The following NCOR2 variants were observed in gnomAD, a reference collection of about 807,000 sequenced individuals.
The protein encoded by NCOR2 is nuclear receptor corepressor 2.
NCOR2 carries 81 observed loss-of-function variants against 262.9 expected under a neutral mutation model. The ratio of observed to expected loss-of-function variants is 0.31; its 90% CI spans 0.26 to 0.37. The LOEUF is 0.37. Among genes scored for constraint, NCOR2 ranks in the 10% least tolerant of loss-of-function variants. The pLI, the probability that NCOR2 is intolerant of heterozygous loss-of-function variation, is 1.00. For synonymous variants in NCOR2, 1,659 were observed against 1,559.3 expected (o/e 1.06, Z -1.51); for missense variants, 3,385 against 3,621.4 (o/e 0.93, Z 1.68).
intron 8 of NCOR2, among the ~76,000 whole-genome samples, chr12:124,433,735 G>T (rs1258713697): frequency 1.3e-5 from 2 of 152,032 alleles, no homozygotes; most frequent in Non-Finnish European, 2.9e-5. Flanking sequence ...CTCCGGCCTG[G>T]CCTGGGTAGC....
chr12:124,423,664 C>G (rs1012991898), intron 11 of NCOR2, among the ~76,000 whole-genome samples: 5 of 152,192 alleles, frequency 3.3e-5, no homozygotes, highest in Non-Finnish European at 7.3e-5. Context: ...AGTGACATTT[C>G]CTTCCCTGCA....
intron 12 of NCOR2, among the ~76,000 whole-genome samples, chr12:124,420,937 C>G (rs1593460103): frequency 6.6e-6 from 1 of 152,240 alleles, no homozygotes. Flanking sequence ...GCCAGGGGGG[C>G]TCCCAGGCGG....
In NCOR2 at chr12:124,377,435, T is replaced by C. The variant is rs79374914; in HGVS notation, c.2167+802A>G. Among the ~76,000 whole-genome samples, 1,417 of 152,312 alleles carry C rather than the reference T, an allele frequency of 9.3e-3. 24 individuals are homozygous for C. Among genetic ancestry groups the C allele is most frequent in the African/African-American group, 0.032 (1,331 of 41,572 alleles). ...TTATTTATCACTCAAATAGGGACAC[T>C]TGGGAATAAAAGGAGACACTGAAAA... On this transcript the variant is annotated intron_variant, in intron 18 of 46. Transcript: ENST00000405201.
chr12:124,489,717 G>A (rs528730352), intron 1 of NCOR2, among the ~76,000 whole-genome samples: 12 of 152,352 alleles, frequency 7.9e-5, no homozygotes, highest in Admixed American at 3.9e-4. Context: ...TCCTGGGAAA[G>A]GTGAGAGGCC....
exon 42 of NCOR2, chr12:124,333,270 C>T (rs2035376674): frequency 6.2e-7 from 1 of 1,604,494 alleles, no homozygotes; most frequent in South Asian, 1.1e-5. Context: ...TCTTGTTTGG[C>T]TCTGGAGACC....
chr12:124,357,836 A>ACG (rs1555304817), intron 22 of NCOR2, among the ~76,000 whole-genome samples: 54 of 148,022 alleles, frequency 3.6e-4, no homozygotes, highest in Non-Finnish European at 3.9e-4. Context: ...GTGTATGTGC[A>ACG]TGTGTGTGTG....
rs529788507 is a variant in NCOR2 at position 124,429,322 on chromosome 12, C to T, written c.1149+291G>A. ...GATGGGAAGAGTGAGAGGCAGGGTCCTCGTCCCCCAACCCCCTCCCTGTTG... is the reference window on the plus strand; with the variant it reads ...GATGGGAAGAGTGAGAGGCAGGGTCTTCGTCCCCCAACCCCCTCCCTGTTG... On this transcript the variant is annotated intron_variant, in intron 10 of 46. Transcript: ENST00000405201. The T allele has an allele frequency of 1.7e-4, 74 of 446,928 alleles. 1 individual carries two copies. In the Middle Eastern group the frequency reaches 1.8e-3, roughly 11 times the overall value. 27.7% of individuals were successfully genotyped at this position (446,928 alleles called of 1,614,324 possible).
At chr12:124,361,295 G>A (rs2135960857) in intron 22 of NCOR2, among the ~76,000 whole-genome samples, 1 of 152,306 alleles carries the variant, frequency 6.6e-6, no homozygotes, top group African/African-American at 2.4e-5. Flanking sequence ...GCAAGCGCCG[G>A]GGCTAGCCCA....
intron 1 of NCOR2, among the ~76,000 whole-genome samples, chr12:124,494,078 A>G (rs2048243788): frequency 6.6e-6 from 1 of 152,196 alleles, no homozygotes; most frequent in Non-Finnish European, 1.5e-5. Context: ...CCCAACCTAC[A>G]GGAGGCCACT....
chr12:124,436,538 C>G (rs763160527), intron 8 of NCOR2, among the ~76,000 whole-genome samples: 6 of 152,234 alleles, frequency 3.9e-5, no homozygotes, highest in Non-Finnish European at 5.9e-5. Flanking sequence ...CTACCATGTC[C>G]CAGCAGCCCC....
At chr12:124,387,072 A>T (rs1178677943) in intron 16 of NCOR2, among the ~76,000 whole-genome samples, 1 of 152,276 alleles carries the variant, frequency 6.6e-6, no homozygotes, top group Non-Finnish European at 1.5e-5. Context: ...AAGGACTTTA[A>T]TGAAGGATTT....
At chr12:124,362,721 C>A (rs1485037456) in intron 21 of NCOR2, among the ~76,000 whole-genome samples, 1 of 147,720 alleles carries the variant, frequency 6.8e-6, no homozygotes, top group South Asian at 2.1e-4. Flanking sequence ...CAGGGGGAGC[C>A]CACCTCCCAA....
chr12:124,550,349 G>A (rs1805790454), intron 1 of NCOR2, among the ~76,000 whole-genome samples: 4 of 152,246 alleles, frequency 2.6e-5, no homozygotes, highest in African/African-American at 9.6e-5. Context: ...GCAGAGGCGG[G>A]ACCTGAACCC....
intron 13 of NCOR2, among the ~76,000 whole-genome samples, chr12:124,416,241 CTATT>C (rs1436713940): frequency 6.6e-6 from 1 of 152,176 alleles, no homozygotes; most frequent in African/African-American, 2.4e-5. Context: ...AAAAACATCT[CTATT>C]TACCCATCAA....
rs977198687 is a variant in NCOR2, at chr12:124,364,986, C to A, written c.2808-1187G>T. ...ATGGAGGTGGCCCGGCCTGCGTCTGCGGGTATGGAGGTGGCCCAGCCTATG... is the reference window on the plus strand; with the variant it reads ...ATGGAGGTGGCCCGGCCTGCGTCTGAGGGTATGGAGGTGGCCCAGCCTATG... On this transcript the variant is annotated intron_variant, in intron 20 of 46. Transcript: ENST00000405201. Among the ~76,000 whole-genome samples the A allele has an allele frequency of 2.0e-5, 3 of 148,552 alleles. No homozygotes were observed. The East Asian group carries it at 5.9e-4, about 29-fold the overall frequency.
At position 124,344,799 on chromosome 12, in the gene NCOR2, G is replaced by A. The variant is rs530785390; in HGVS notation, c.4512C>T (p.Tyr1504=). The A allele has an allele frequency of 8.7e-5, 135 of 1,553,116 alleles. 1 individual carries two copies. In the South Asian group the frequency reaches 1.1e-3, roughly 13 times the overall value. Residue 1504 remains tyrosine, a synonymous_variant, in exon 32 of 47, where the codon TAC becomes TAT. Coordinates refer to ENST00000405201, the Ensembl canonical transcript of NCOR2. ...CTGGCCGGCTCTTCAGGCTCTCCTC[G>A]TAGCAGGCACGTTCCAGTGCCCGGG... is the stretch of plus-strand genomic sequence containing the variant.
intron 16 of NCOR2, among the ~76,000 whole-genome samples, chr12:124,396,914 G>A (rs903074386): frequency 3.3e-5 from 5 of 152,168 alleles, no homozygotes; most frequent in Non-Finnish European, 1.5e-5. Flanking sequence ...CATAAGTCAC[G>A]ACCTGGAGCT....
intron 20 of NCOR2, among the ~76,000 whole-genome samples, chr12:124,364,271 G>T (rs895203937): frequency 6.6e-6 from 1 of 152,240 alleles, no homozygotes; most frequent in Admixed American, 6.5e-5. Flanking sequence ...GAGAAATGAA[G>T]AGATTCACCA....
At chr12:124,346,681 C>A in exon 31 of NCOR2, 1 of 1,577,486 alleles carries the variant, frequency 6.3e-7, no homozygotes, top group Non-Finnish European at 8.6e-7. Context: ...CCGTGGCCAC[C>A]AGGCCCTCAT....
Sources: allele counts gnomAD v4.1 joint callset (sites outside exome capture counted in the v4.1 genomes callset), GRCh38; gene constraint gnomAD v4.1.1; transcripts MANE v1.5; gene names NCBI Gene and HGNC (gene_info 2026-07-23, HGNC 2026-07-21).